The following AKT3 variants were observed in gnomAD, a reference collection of about 807,000 sequenced individuals.
AKT3 encodes AKT serine/threonine kinase 3.
In AKT3, 15 loss-of-function variants were observed where a neutral mutation model predicts 65.3. The observed-to-expected ratio is 0.23, with a 90% CI of 0.15 to 0.35. AKT3 has a LOEUF of 0.35. Ranked by LOEUF, AKT3 falls within the 10% of genes least tolerant of loss-of-function variation. AKT3 has a pLI of 1.00. For missense variants in AKT3, 243 were observed against 576.5 expected (o/e 0.42, Z 5.92); for synonymous variants, 206 against 183.8 (o/e 1.12, Z -0.98).
At chr1:243,845,588 CA>C (rs10648820) in intron 1 of AKT3, among the ~76,000 whole-genome samples, 33 of 79,368 alleles carry the variant, frequency 4.2e-4, no homozygotes, top group Middle Eastern at 6.5e-3. Context: ...GAACCTGTCT[CA>C]AAAAAAAAAA....
chr1:243,683,045 G>T (rs577890857), intron 3 of AKT3, among the ~76,000 whole-genome samples: 3 of 152,256 alleles, frequency 2.0e-5, no homozygotes, highest in Non-Finnish European at 2.9e-5. Flanking sequence ...GCTAGATCTT[G>T]TATCTGTGGA....
At chr1:243,845,471 C>A in intron 1 of AKT3, among the ~76,000 whole-genome samples, 1 of 2,704 alleles carries the variant, frequency 3.7e-4, no homozygotes, top group Non-Finnish European at 9.3e-4. Flanking sequence ...GGAGTGGTGG[C>A]AGGCACCTGT....
Position 243,527,914 on chromosome 1 carries a change from CACACACACACACACACACACACAGAGAG to C in AKT3, c.1252-15516_1252-15489del, listed in dbSNP as rs1252382600. Among the ~76,000 whole-genome samples the C allele has an allele frequency of 1.4e-3, 140 of 97,374 alleles. 3 individuals carry two copies. The highest frequency in any genetic ancestry group is 5.0e-3 in the African/African-American group (101 of 20,270). The allele number at this position is 97,374 out of a possible 152,430, so 63.9% of individuals were successfully genotyped here. On this transcript the variant is annotated intron_variant, in intron 12 of 13. Coordinates refer to ENST00000673466, the MANE Select transcript of AKT3 (RefSeq NM_005465.7). ...ACACACACACACACACACACACACACACACACACACACACACACACACAGAGAGAGAGAGAGAGAGAGAGAATTTGAGG... is the reference window on the plus strand; with the variant it reads ...ACACACACACACACACACACACACACAGAGAGAGAGAGAGAGAATTTGAGG...
At position 243,709,532 on chromosome 1, in the gene AKT3, T is replaced by C. The variant is rs79561037; in HGVS notation, c.47-13816A>G. ...TTAGCATAACTTTGAATAAATTAGA[T>C]TTTTAAAATTTGAACTACTAAACAG... On this transcript the variant is annotated intron_variant, in intron 2 of 13. Coordinates refer to ENST00000673466, the MANE Select transcript of AKT3 (RefSeq NM_005465.7). 9.1e-3 allele frequency among the ~76,000 whole-genome samples: 1,386 copies of C among 152,038 alleles called. 6 individuals are homozygous for C. Among genetic ancestry groups the C allele is most frequent in the Middle Eastern group, 0.02 (6 of 294 alleles).
At chr1:243,661,087 G>C (rs1312893069) in intron 4 of AKT3, among the ~76,000 whole-genome samples, 1 of 152,180 alleles carries the variant, frequency 6.6e-6, no homozygotes, top group East Asian at 1.9e-4. Flanking sequence ...AACATTCCAT[G>C]CTCATGGGTA....
At chr1:243,682,372 C>G (rs1262517842) in intron 3 of AKT3, among the ~76,000 whole-genome samples, 1 of 151,990 alleles carries the variant, frequency 6.6e-6, no homozygotes. Flanking sequence ...AGTTTATAAC[C>G]TTTTTAGCTT....
chr1:243,616,134 G>T (rs774948452), intron 6 of AKT3, among the ~76,000 whole-genome samples: 40 of 151,498 alleles, frequency 2.6e-4, no homozygotes, highest in Non-Finnish European at 4.6e-4. Context: ...TGATTTCTGA[G>T]ATTTTGGTGC....
At chr1:243,662,561 TGGGGGGA>T (rs1682445820) in intron 4 of AKT3, among the ~76,000 whole-genome samples, 1 of 51,786 alleles carries the variant, frequency 1.9e-5, no homozygotes, top group Non-Finnish European at 3.4e-5. Context: ...TGTTGTGGGG[TGGGGGGA>T]GGGGGGAGGG....
intron 2 of AKT3, among the ~76,000 whole-genome samples, chr1:243,796,018 CTGG>C (rs1277424581): frequency 2.6e-5 from 4 of 152,160 alleles, no homozygotes; most frequent in African/African-American, 4.8e-5. Flanking sequence ...TCCTTAGTAT[CTGG>C]TGCCTCCAAA....
chr1:243,718,542 T>C (rs1210148445), intron 2 of AKT3, among the ~76,000 whole-genome samples: 1 of 152,116 alleles, frequency 6.6e-6, no homozygotes, highest in Non-Finnish European at 1.5e-5. Context: ...CTCTGCCTCC[T>C]GGATTCAAGT....
chr1:243,830,959 T>C (rs2148447814), intron 2 of AKT3, among the ~76,000 whole-genome samples: 1 of 152,332 alleles, frequency 6.6e-6, no homozygotes, highest in Admixed American at 6.5e-5. Context: ...ATTTGACAGA[T>C]ATACAACATG....
At chr1:243,524,602 A>G (rs1670927787) in intron 12 of AKT3, among the ~76,000 whole-genome samples, 1 of 152,234 alleles carries the variant, frequency 6.6e-6, no homozygotes, top group Admixed American at 6.5e-5. Context: ...GCTCTCTCAC[A>G]CAAGCTCTTT....
At chr1:243,679,677 C>T (rs1344729412) in intron 3 of AKT3, among the ~76,000 whole-genome samples, 1 of 152,080 alleles carries the variant, frequency 6.6e-6, no homozygotes, top group African/African-American at 2.4e-5. Flanking sequence ...AAAAACCTAA[C>T]ATGAATTAAC....
chr1:243,673,541 T>C (rs1683295120), intron 3 of AKT3, among the ~76,000 whole-genome samples: 1 of 151,950 alleles, frequency 6.6e-6, no homozygotes, highest in Non-Finnish European at 1.5e-5. Context: ...AGAAGTAAAT[T>C]ACTCAGATGT....
chr1:243,527,137 T>G (rs1003747859), intron 12 of AKT3, among the ~76,000 whole-genome samples: 2 of 152,166 alleles, frequency 1.3e-5, no homozygotes, highest in Non-Finnish European at 2.9e-5. Context: ...AAAATTAATA[T>G]AGTAAGGTCT....
chr1:243,686,652 T>TATATATATATA (rs373666457), intron 3 of AKT3, among the ~76,000 whole-genome samples: 17 of 12,644 alleles, frequency 1.3e-3, no homozygotes, highest in East Asian at 3.6e-3. Flanking sequence ...TATATATATA[T>TATATATATATA]TTTTTTTTTT....
chr1:243,658,604 A>G (rs183456342), intron 4 of AKT3, among the ~76,000 whole-genome samples: 5 of 152,340 alleles, frequency 3.3e-5, no homozygotes, highest in African/African-American at 9.6e-5. Flanking sequence ...ATGAACCAGC[A>G]ATCACATTTC....
chr1:243,556,369 T>C (rs761004128), intron 10 of AKT3, among the ~76,000 whole-genome samples: 5 of 152,120 alleles, frequency 3.3e-5, no homozygotes, highest in Non-Finnish European at 7.4e-5. Flanking sequence ...ATGTAAATAT[T>C]TATTTGGCTA....
chr1:243,658,864 C>CAAAAAA (rs58117921), intron 4 of AKT3, among the ~76,000 whole-genome samples: 1 of 82,918 alleles, frequency 1.2e-5, no homozygotes, highest in Non-Finnish European at 2.4e-5. Flanking sequence ...CTTGTCTCTA[C>CAAAAAA]AAAAAAAAAA....
Sources: gnomAD v4.1 joint callset for allele counts (sites outside exome capture counted in the v4.1 genomes callset) on GRCh38, gnomAD v4.1.1 for gene constraint, MANE v1.5 for transcripts, NCBI Gene and HGNC (gene_info 2026-07-23, HGNC 2026-07-21) for gene names.